The following ITFG1 variants were observed in gnomAD, a reference collection of about 807,000 sequenced individuals.
The protein encoded by ITFG1 is T-cell immunomodulatory protein.
A neutral mutation model predicts 81.8 loss-of-function variants in ITFG1; 34 were observed. The observed-to-expected ratio is 0.42, with a 90% CI of 0.32 to 0.55. ITFG1 has a LOEUF of 0.55. Ranked by LOEUF, ITFG1 falls within the 20% of genes least tolerant of loss-of-function variation. ITFG1 has a pLI of 0.17. For synonymous variants in ITFG1, 285 were observed against 270.6 expected, an observed-to-expected ratio of 1.05 and a Z score of -0.52; for missense variants, 672 against 755.4, an observed-to-expected ratio of 0.89 and a Z score of 1.29.
At chr16:47,385,682 T>C (rs923508957) in intron 6 of ITFG1, among the ~76,000 whole-genome samples, 2 of 152,238 alleles carry the variant, frequency 1.3e-5, no homozygotes, top group African/African-American at 4.8e-5. Flanking sequence ...ACCTTCTTTT[T>C]CCTCAGTTTT....
At chr16:47,341,892 A>G (rs539412783) in intron 8 of ITFG1, among the ~76,000 whole-genome samples, 1 of 152,366 alleles carries the variant, frequency 6.6e-6, no homozygotes, top group Non-Finnish European at 1.5e-5. Flanking sequence ...CATTCTCACC[A>G]GACCTATAAC....
chr16:47,313,435 C>G (rs1371009294), intron 9 of ITFG1, among the ~76,000 whole-genome samples: 1 of 152,090 alleles, frequency 6.6e-6, no homozygotes, highest in South Asian at 2.1e-4. Context: ...TCTAAGTAAC[C>G]TTTTATTATA....
intron 6 of ITFG1, among the ~76,000 whole-genome samples, chr16:47,427,405 C>A (rs1343569043): frequency 6.6e-6 from 1 of 152,130 alleles, no homozygotes; most frequent in Non-Finnish European, 1.5e-5. Context: ...GTCTGTAATC[C>A]CAGCCCTTTG....
intron 13 of ITFG1, among the ~76,000 whole-genome samples, chr16:47,231,510 T>C (rs1965816473): frequency 6.6e-6 from 1 of 152,188 alleles, no homozygotes; most frequent in Non-Finnish European, 1.5e-5. Context: ...TTTCATAAAT[T>C]TGTGATGTTT....
At chr16:47,264,188 G>A (rs1966245888) in intron 10 of ITFG1, among the ~76,000 whole-genome samples, 1 of 152,004 alleles carries the variant, frequency 6.6e-6, no homozygotes. Flanking sequence ...AATTTGGTAT[G>A]CATCTTTCTA....
chr16:47,380,285 A>C (rs1392206128), intron 6 of ITFG1, among the ~76,000 whole-genome samples: 1 of 152,192 alleles, frequency 6.6e-6, no homozygotes, highest in Non-Finnish European at 1.5e-5. Context: ...AAAACTTCAT[A>C]GTCTGCAGAA....
chr16:47,421,309 C>CAT (rs1261975590), intron 6 of ITFG1, among the ~76,000 whole-genome samples: 26 of 146,990 alleles, frequency 1.8e-4, no homozygotes, highest in African/African-American at 6.7e-4. Context: ...CACACACATA[C>CAT]ATATTTTTTT....
intron 6 of ITFG1, among the ~76,000 whole-genome samples, chr16:47,381,485 T>A (rs1001379637): frequency 1.3e-5 from 2 of 152,204 alleles, no homozygotes; most frequent in Non-Finnish European, 2.9e-5. Flanking sequence ...AAAAACATAG[T>A]TAATAAAACA....
intron 10 of ITFG1, among the ~76,000 whole-genome samples, chr16:47,285,175 G>A (rs1421997892): frequency 2.6e-5 from 4 of 151,958 alleles, no homozygotes; most frequent in African/African-American, 9.7e-5. Context: ...TCTGATCCTG[G>A]GTCTTAAGAC....
intron 13 of ITFG1, among the ~76,000 whole-genome samples, chr16:47,235,453 G>C (rs1213997482): frequency 6.6e-6 from 1 of 152,222 alleles, no homozygotes; most frequent in Non-Finnish European, 1.5e-5. Context: ...GGTTTCAAAA[G>C]TGAAACCATT....
chr16:47,286,656 T>C (rs1966870797), intron 10 of ITFG1, among the ~76,000 whole-genome samples: 1 of 151,478 alleles, frequency 6.6e-6, no homozygotes, highest in South Asian at 2.1e-4. Flanking sequence ...AAAAAAAAGA[T>C]AATTGCCAGA....
At chr16:47,178,696 C>T (rs1045318392) in intron 14 of ITFG1, among the ~76,000 whole-genome samples, 3 of 152,178 alleles carry the variant, frequency 2.0e-5, no homozygotes, top group Admixed American at 6.5e-5. Flanking sequence ...ACACCAAAAG[C>T]AATGGCAACA....
intron 14 of ITFG1, among the ~76,000 whole-genome samples, chr16:47,180,462 C>G (rs1161479032): frequency 6.6e-6 from 1 of 151,000 alleles, no homozygotes; most frequent in Non-Finnish European, 1.5e-5. Flanking sequence ...GCTGCCATCT[C>G]GGCTCACTGC....
chr16:47,326,511 T>A (rs1044134107), intron 8 of ITFG1, among the ~76,000 whole-genome samples: 3 of 152,096 alleles, frequency 2.0e-5, no homozygotes, highest in Admixed American at 1.3e-4. Flanking sequence ...GGGCATTCAA[T>A]TAGGAAAAGA....
intron 8 of ITFG1, among the ~76,000 whole-genome samples, chr16:47,339,363 C>A (rs1967750640): frequency 6.6e-6 from 1 of 152,150 alleles, no homozygotes; most frequent in South Asian, 2.1e-4. Flanking sequence ...TCCTGAGGAA[C>A]CTCCGAACTG....
rs553775682 is a variant in ITFG1 at position 47,192,434 on chromosome 16, T to C, written c.1453+26434A>G. On this transcript the variant is annotated intron_variant, in intron 14 of 17. Coordinates refer to ENST00000320640, the MANE Select transcript of ITFG1 (RefSeq NM_030790.5). ...TATTGTTATTGACTTCTTCATCCTCTCATTATGAAACACTAGAGATTCCTT... is the reference window on the plus strand; with the variant it reads ...TATTGTTATTGACTTCTTCATCCTCCCATTATGAAACACTAGAGATTCCTT... Among the ~76,000 whole-genome samples the C allele has an allele frequency of 2.6e-5, 4 of 152,332 alleles. No homozygotes were observed. In the South Asian group the frequency reaches 8.3e-4, roughly 32 times the overall value.
intron 10 of ITFG1, among the ~76,000 whole-genome samples, chr16:47,262,021 A>C (rs1301226546): frequency 1.3e-5 from 2 of 152,234 alleles, no homozygotes; most frequent in Non-Finnish European, 2.9e-5. Flanking sequence ...TCTTTTGTTC[A>C]TATAAAAATA....
intron 14 of ITFG1, among the ~76,000 whole-genome samples, chr16:47,173,690 C>A (rs180767339): frequency 2.4e-4 from 37 of 152,312 alleles, no homozygotes; most frequent in Admixed American, 2.3e-3. Context: ...TCCAGGCTTG[C>A]ATTATAGTCT....
chr16:47,257,848 AGAGAAATGTCTGATTCCTTG>A (rs1286913488), intron 12 of ITFG1, among the ~76,000 whole-genome samples: 3 of 152,212 alleles, frequency 2.0e-5, no homozygotes, highest in African/African-American at 4.8e-5. Context: ...CTACTAAAAG[AGAGAAATGTCTGATTCCTTG>A]GAGAAATGTC....
Sources: gnomAD v4.1 joint callset for allele counts (sites outside exome capture counted in the v4.1 genomes callset) on GRCh38, gnomAD v4.1.1 for gene constraint, MANE v1.5 for transcripts, NCBI Gene and HGNC (gene_info 2026-07-23, HGNC 2026-07-21) for gene names.